AGBL1: variants seen among roughly 807,000 people sequenced by gnomAD.
The protein encoded by AGBL1 is AGBL carboxypeptidase 1.
AGBL1 carries 130 observed loss-of-function variants against 118.9 expected under a neutral mutation model. That is an observed-to-expected ratio of 1.09 (90% confidence interval 0.95 to 1.26). AGBL1 has a LOEUF of 1.26. Ranked by LOEUF, AGBL1 falls within the 50% of genes most tolerant of loss-of-function variation. The pLI, the probability that AGBL1 is intolerant of heterozygous loss-of-function variation, is 0.00. For synonymous variants in AGBL1, 555 were observed against 478.9 expected (o/e 1.16, Z -2.08); for missense variants, 1,584 against 1,298.1 (o/e 1.22, Z -3.38).
At chr15:86,363,735 C>T (rs957393270) in intron 17 of AGBL1, among the ~76,000 whole-genome samples, 1 of 152,054 alleles carries the variant, frequency 6.6e-6, no homozygotes, top group African/African-American at 2.4e-5. Context: ...CTCCCAAATC[C>T]CTGATTCATA....
In AGBL1 at chr15:86,913,964, G is replaced by A. The variant is rs969496847; in HGVS notation, c.*6670G>A. 6.6e-5 allele frequency: 10 copies of A among 152,182 alleles called. No homozygotes were observed. Among genetic ancestry groups the A allele is most frequent in the African/African-American group, 2.2e-4 (9 of 41,446 alleles). 9.4% of individuals were successfully genotyped at this position (152,182 alleles called of 1,614,324 possible). On this transcript the variant is annotated 3_prime_UTR_variant, in exon 23 of 23. Coordinates refer to ENST00000614907, the MANE Select transcript of AGBL1 (RefSeq NM_001386094.1). ...TTTATAGTCTCTAGGCTCTTATGGG[G>A]TTAAAATGATTTCTTGGTATCAGAC... is the stretch of plus-strand genomic sequence containing the variant.
At chr15:86,799,932 A>G (rs756573295) in intron 22 of AGBL1, among the ~76,000 whole-genome samples, 4 of 152,164 alleles carry the variant, frequency 2.6e-5, no homozygotes, top group Non-Finnish European at 5.9e-5. Flanking sequence ...ACTGAAAAAT[A>G]TCCATATAAT....
intron 24 of AGBL1, among the ~76,000 whole-genome samples, chr15:87,028,300 T>A (rs1465064776): frequency 1.3e-5 from 2 of 151,984 alleles, no homozygotes; most frequent in Non-Finnish European, 2.9e-5. Flanking sequence ...GCAGAGGCAT[T>A]GTATTTCCTG....
Position 86,496,231 on chromosome 15 carries a change from C to T in AGBL1, c.2556-26579C>T, listed in dbSNP as rs550262496. ...TTTGACAGTTCCTCCTTCACACTTG[C>T]TCTCTCTCTCCTGCCACCTTGTGAA... On this transcript the variant is annotated intron_variant, in intron 18 of 22. Transcript: ENST00000614907. Among the ~76,000 whole-genome samples the T allele has an allele frequency of 2.6e-5, 4 of 152,058 alleles. No individual in the cohort carries two copies. In the South Asian group the frequency reaches 8.3e-4, roughly 32 times the overall value.
chr15:86,171,946 A>G (rs1219897438), intron 5 of AGBL1, among the ~76,000 whole-genome samples: 4 of 152,226 alleles, frequency 2.6e-5, no homozygotes, highest in Admixed American at 2.6e-4. Flanking sequence ...AAGAATAAAA[A>G]ACCAAACATC....
chr15:86,556,207 A>G (rs768308787), intron 21 of AGBL1: 3 of 1,608,090 alleles, frequency 1.9e-6, no homozygotes, highest in East Asian at 2.2e-5. Context: ...GCCCTCACCA[A>G]CTCTCTACTG....
chr15:86,519,582 T>G (rs1413456040), intron 18 of AGBL1, among the ~76,000 whole-genome samples: 1 of 152,182 alleles, frequency 6.6e-6, no homozygotes, highest in Non-Finnish European at 1.5e-5. Flanking sequence ...AGCACTCAAG[T>G]TAGGTGTTGT....
intron 23 of AGBL1, among the ~76,000 whole-genome samples, chr15:86,973,241 C>G (rs956703919): frequency 2.7e-4 from 41 of 152,052 alleles, no homozygotes; most frequent in African/African-American, 9.2e-4. Context: ...CATTAAATAG[C>G]CACATGAAGA....
At chr15:86,945,691 A>C (rs969789397) in intron 23 of AGBL1, among the ~76,000 whole-genome samples, 1 of 152,094 alleles carries the variant, frequency 6.6e-6, no homozygotes, top group Non-Finnish European at 1.5e-5. Flanking sequence ...AAAGTAAAAA[A>C]CTGTTACAAC....
chr15:86,651,724 C>T (rs946684709), intron 21 of AGBL1, among the ~76,000 whole-genome samples: 8 of 152,306 alleles, frequency 5.3e-5, no homozygotes, highest in Admixed American at 3.3e-4. Context: ...TAAGTTCCAA[C>T]TACTGATCTC....
intron 18 of AGBL1, among the ~76,000 whole-genome samples, chr15:86,434,447 T>C (rs1172298224): frequency 6.6e-6 from 1 of 152,216 alleles, no homozygotes; most frequent in African/African-American, 2.4e-5. Context: ...TAGTGCAGTT[T>C]GCTTACATTT....
At chr15:86,632,306 C>T (rs1455383028) in intron 21 of AGBL1, among the ~76,000 whole-genome samples, 2 of 142,702 alleles carry the variant, frequency 1.4e-5, no homozygotes, top group Non-Finnish European at 3.1e-5. Flanking sequence ...TGGCCAGGTG[C>T]AGTGGCTTAT....
At chr15:86,598,226 T>C (rs1227160689) in intron 21 of AGBL1, among the ~76,000 whole-genome samples, 1 of 152,110 alleles carries the variant, frequency 6.6e-6, no homozygotes, top group Non-Finnish European at 1.5e-5. Context: ...ATGGTAATCA[T>C]ATAATAAGGG....
chr15:86,895,918 A>G (rs1158498917), intron 22 of AGBL1, among the ~76,000 whole-genome samples: 2 of 151,892 alleles, frequency 1.3e-5, no homozygotes, highest in Non-Finnish European at 2.9e-5. Context: ...TCTGGTTTCT[A>G]GAGTATTTCT....
intron 24 of AGBL1, among the ~76,000 whole-genome samples, chr15:87,014,839 T>C (rs16939721): frequency 0.1 from 15,677 of 152,138 alleles, 1,620 homozygotes; most frequent in African/African-American, 0.27. Flanking sequence ...AGAAACTCCT[T>C]TCTGTAGCCA....
chr15:86,204,512 C>T (rs1418052038), intron 5 of AGBL1, among the ~76,000 whole-genome samples: 1 of 121,432 alleles, frequency 8.2e-6, no homozygotes. Flanking sequence ...TTCCCCTTCC[C>T]CTTCCCCTTC....
chr15:86,907,065 A>G (rs1245142639), intron 22 of AGBL1, 22 bp from the exon 23 acceptor site: 1 of 151,068 alleles, frequency 6.6e-6, no homozygotes, highest in Admixed American at 6.6e-5. Flanking sequence ...TCTTCTCCAT[A>G]TTTCCCGGGA....
intron 22 of AGBL1, among the ~76,000 whole-genome samples, chr15:86,749,077 T>C (rs2077805355): frequency 6.6e-6 from 1 of 152,184 alleles, no homozygotes; most frequent in South Asian, 2.1e-4. Context: ...GGGGATGGGA[T>C]TGAATTTATA....
intron 24 of AGBL1, among the ~76,000 whole-genome samples, chr15:87,011,512 T>C (rs1408897413): frequency 6.6e-6 from 1 of 152,254 alleles, no homozygotes. Flanking sequence ...TAATTCTGTA[T>C]GTCACCAAAA....
Sources: gnomAD v4.1 joint callset for allele counts (sites outside exome capture counted in the v4.1 genomes callset) on GRCh38, gnomAD v4.1.1 for gene constraint, MANE v1.5 for transcripts, NCBI Gene and HGNC (gene_info 2026-07-23, HGNC 2026-07-21) for gene names.